Variants in BOD1L1 observed in about 807,000 individuals in gnomAD.
BOD1L1 encodes biorientation of chromosomes in cell division protein 1-like 1.
Under a neutral mutation model 240.7 loss-of-function variants are expected in BOD1L1, and 86 were observed. The observed-to-expected ratio is 0.36, with a 90% CI of 0.30 to 0.43. The LOEUF (loss-of-function observed/expected upper bound fraction) is 0.43. BOD1L1 is among the 20% of genes least tolerant of loss of function. The probability of loss-of-function intolerance (pLI) is 1.00; values close to 1 mark genes in which losing one functional copy is unlikely to be tolerated. For synonymous variants in BOD1L1, 1,268 were observed against 1,272.3 expected (o/e 1.00, Z 0.07); for missense variants, 3,554 against 3,643.5 (o/e 0.98, Z 0.63).
intron 7 of BOD1L1, 70 bp from the exon 8 acceptor site, chr4:13,608,738 T>A: frequency 2.3e-6 from 3 of 1,282,038 alleles, no homozygotes; most frequent in Non-Finnish European, 3.0e-6. Flanking sequence ...TAATTTTTCA[T>A]TAAGATTTTT....
intron 6 of BOD1L1, among the ~76,000 whole-genome samples, 188 bp from the exon 7 acceptor site, chr4:13,609,594 G>T (rs1446629888): frequency 6.6e-6 from 1 of 152,010 alleles, no homozygotes; most frequent in Non-Finnish European, 1.5e-5. Context: ...ATATGTATGT[G>T]TATGTTTCAA....
chr4:13,620,211 C>T (rs901914908), intron 1 of BOD1L1, 144 bp from the exon 2 acceptor site: 1 of 813,338 alleles, frequency 1.2e-6, no homozygotes, highest in African/African-American at 1.7e-5. Flanking sequence ...CATTCAAATA[C>T]TACTTATTTT....
chr4:13,602,888 G>T lies in BOD1L1; in HGVS notation c.4012C>A (p.Leu1338Ile), dbSNP rs762468790. ...CCTTCTTTGCTGTCACTTGTCTTAA[G>T]GACTTCTGATTCCCTAACAGTCAGA... ...QSLTVRESEV[L>I]KTSDSKEGGE... Residue 1338 changes from leucine (L) to isoleucine (I), a missense_variant, in exon 10 of 26, where the codon CTT becomes ATT. Coordinates refer to ENST00000040738, the MANE Select transcript of BOD1L1 (RefSeq NM_148894.3). The T allele has an allele frequency of 6.2e-7, 1 of 1,613,952 alleles. No individual in the cohort carries two copies. Among genetic ancestry groups the T allele is most frequent in the Non-Finnish European group, 8.5e-7 (1 of 1,179,886 alleles).
chr4:13,611,116 TAGAA>T lies in BOD1L1; in HGVS notation c.1325-20_1325-17del, dbSNP rs768025012. On this transcript the variant is annotated splice_polypyrimidine_tract_variant and intron_variant, in intron 5 of 25. Transcript: ENST00000040738. ...TTCTCTTCATCTGTAAGAAAGTTAA[TAGAA>T]AGAGGAGTATGTCTGTGAATTAGCA... 13 of 1,559,470 alleles carry T rather than the reference TAGAA, an allele frequency of 8.3e-6. No homozygotes were observed. Among genetic ancestry groups the T allele is most frequent in the South Asian group, 1.1e-5 (1 of 87,478 alleles).
intron 17 of BOD1L1, among the ~76,000 whole-genome samples, chr4:13,585,497 A>C (rs1284703977): frequency 6.6e-6 from 1 of 152,118 alleles, no homozygotes; most frequent in East Asian, 1.9e-4. Context: ...GGAATGAAAA[A>C]ATCTGGGCCT....
At chr4:13,605,797 C>A (rs914870914) in intron 9 of BOD1L1, among the ~76,000 whole-genome samples, 1 of 152,104 alleles carries the variant, frequency 6.6e-6, no homozygotes, top group East Asian at 1.9e-4. Context: ...ATATTCTACA[C>A]ATGAAGCTTC....
At position 13,576,871 on chromosome 4, in the gene BOD1L1, G is replaced by C. The variant is rs375866429; in HGVS notation, c.9005C>G (p.Thr3002Ser). 8 of 1,613,924 alleles carry C rather than the reference G, an allele frequency of 5.0e-6. No individual in the cohort carries two copies. In the South Asian group the frequency reaches 5.5e-5, roughly 11 times the overall value. The change falls in exon 25 of 26, where the codon ACC (threonine) becomes AGC (serine). Residue 3002 changes from threonine to serine, a missense_variant. By Grantham distance (58) the Thr-to-Ser change is moderately conservative. Coordinates refer to ENST00000040738, the MANE Select transcript of BOD1L1 (RefSeq NM_148894.3). Reference protein sequence around the residue: ...EEEEDEPSGATTRSTTRSEAQ... With the variant: ...EEEEDEPSGASTRSTTRSEAQ... Reference sequence around the variant, plus strand: ...CTCTGATCTGGTGGTGGATCTTGTGGTGGCTCCTGAAGGCTCGTCCTCTTC... The same window carrying C: ...CTCTGATCTGGTGGTGGATCTTGTGCTGGCTCCTGAAGGCTCGTCCTCTTC...
At chr4:13,586,352 C>A in intron 17 of BOD1L1, 44 bp downstream of exon 17, 1 of 1,331,422 alleles carries the variant, frequency 7.5e-7, no homozygotes, top group South Asian at 1.2e-5. Context: ...ATTAGGCCTC[C>A]CTACCCCCAC....
chr4:13,626,490 T>C (rs1017895752), intron 1 of BOD1L1, among the ~76,000 whole-genome samples: 3 of 152,206 alleles, frequency 2.0e-5, no homozygotes, highest in African/African-American at 7.2e-5. Flanking sequence ...TCCATCCATC[T>C]CACTGACTGC....
In BOD1L1 at chr4:13,604,847, T is replaced by A; in HGVS notation, c.2053A>T (p.Ile685Phe). 1 of 1,611,932 alleles carries A rather than the reference T, an allele frequency of 6.2e-7. No homozygotes were observed. The highest frequency in any genetic ancestry group is 8.5e-7 in the Non-Finnish European group (1 of 1,179,466). Reference sequence around the variant, plus strand: ...TGTTTCTGGGGCTCTTCGGTGCAAATTTCTGAGCGTTCTACTTGCCTTTTT... The same window carrying A: ...TGTTTCTGGGGCTCTTCGGTGCAAAATTCTGAGCGTTCTACTTGCCTTTTT... ...DVKRQVERSE[I>F]CTEEPQKQKS... The change falls in exon 10 of 26, where the codon ATT becomes TTT. Residue 685 changes from isoleucine (I) to phenylalanine (F), a missense_variant. Around this residue, in one of 2 missense-constraint regions of BOD1L1, gnomAD observed 3,393 missense variants for 3,427.1 expected, o/e 0.99. Transcript: ENST00000040738.
rs1715452249 is a variant in BOD1L1 at position 13,603,982 on chromosome 4, A to G, written c.2918T>C (p.Val973Ala). 6.2e-7 allele frequency: 1 copy of G among 1,613,746 alleles called. No individual in the cohort carries two copies. Among genetic ancestry groups the G allele is most frequent in the Non-Finnish European group, 8.5e-7 (1 of 1,179,866 alleles). The change falls in exon 10 of 26, where the codon GTA becomes GCA. Residue 973 changes from valine to alanine, a missense_variant. Val to Ala is a moderately conservative substitution (Grantham distance 64). Transcript: ENST00000040738. ...TGCTGAAGAAGAAGCAGTCTCTAAT[A>G]CAGGTTCAACACCAGTTTCTTCAAA... The part of the protein sequence containing the change: ...KPFEETGVEP[V>A]LETASSSAHS...
intron 17 of BOD1L1, among the ~76,000 whole-genome samples, chr4:13,583,966 A>G (rs1488226014): frequency 1.3e-5 from 2 of 152,190 alleles, no homozygotes; most frequent in African/African-American, 4.8e-5. Context: ...GCTACCCTTA[A>G]GGTACTTTGA....
Position 13,618,608 on chromosome 4 carries a change from C to T in BOD1L1, c.368+1335G>A, listed in dbSNP as rs77765052. Among the ~76,000 whole-genome samples the T allele has an allele frequency of 3.1e-3, 469 of 152,298 alleles. 2 individuals carry two copies. Among genetic ancestry groups the T allele is most frequent in the Non-Finnish European group, 5.2e-3 (357 of 68,028 alleles). On this transcript the variant is annotated intron_variant, in intron 2 of 25. Coordinates refer to ENST00000040738, the MANE Select transcript of BOD1L1 (RefSeq NM_148894.3). ...ACTCTTTTACAGGTTCCTCAGACAT[C>T]CTTTAAAATGTAGACAACAAAGCTA...
At chr4:13,584,391 GGA>G (rs1165397393) in intron 17 of BOD1L1, among the ~76,000 whole-genome samples, 4 of 149,398 alleles carry the variant, frequency 2.7e-5, no homozygotes, top group Non-Finnish European at 5.9e-5. Context: ...TGTGTGAGAT[GGA>G]GAGAGTCAGC....
At chr4:13,607,003 G>T (rs369464562) in intron 9 of BOD1L1, 114 bp downstream of exon 9, 6 of 667,444 alleles carry the variant, frequency 9.0e-6, no homozygotes, top group Non-Finnish European at 9.3e-6. Flanking sequence ...AATGTAAGTT[G>T]ACTTTTTATT....
intron 12 of BOD1L1, chr4:13,593,547 T>C (rs993869564): frequency 1.3e-5 from 2 of 152,156 alleles, no homozygotes; most frequent in African/African-American, 4.8e-5. Flanking sequence ...TATTTTACTT[T>C]CTATAATTAA....
In BOD1L1 at chr4:13,591,969, G is replaced by A; in HGVS notation, c.8105-3C>T. On this transcript the variant is annotated splice_polypyrimidine_tract_variant and splice_region_variant and intron_variant, in intron 12 of 25. Coordinates refer to ENST00000040738, the MANE Select transcript of BOD1L1 (RefSeq NM_148894.3). ...CAAAGGCTCCCTCTGGAGTTCAGCT[G>A]TTCAAAAATAAAAATGAGATGTAAA... 3.2e-6 allele frequency: 5 copies of A among 1,546,526 alleles called. No individual in the cohort carries two copies. The highest frequency in any genetic ancestry group is 2.4e-5 in the East Asian group (1 of 42,284).
rs1254941574 is a variant in BOD1L1, at chr4:13,602,233, C to T, written c.4667G>A (p.Ser1556Asn). Residue 1556 changes from serine (S) to asparagine (N), a missense_variant, in exon 10 of 26, where the codon AGC (serine) becomes AAC (asparagine). Physicochemically the swap from Ser to Asn is conservative, Grantham distance 46. Around this residue, in one of 2 missense-constraint regions of BOD1L1, gnomAD observed 3,393 missense variants for 3,427.1 expected, o/e 0.99. Coordinates refer to ENST00000040738, the MANE Select transcript of BOD1L1 (RefSeq NM_148894.3). The part of the protein sequence containing the change: ...RQSEVALPCT[S>N]IEADEGLIIG... The stretch of plus-strand genomic sequence containing the variant: ...TATGAGGCCTTCATCTGCCTCAATG[C>T]TGGTGCAAGGCAAAGCCACCTCACT... 2 of 1,613,810 alleles carry T rather than the reference C, an allele frequency of 1.2e-6. No individual in the cohort carries two copies. The highest frequency in any genetic ancestry group is 2.2e-5 in the East Asian group (1 of 44,874).
At chr4:13,626,996 G>A (rs538517049) in intron 1 of BOD1L1, among the ~76,000 whole-genome samples, 2 of 152,190 alleles carry the variant, frequency 1.3e-5, no homozygotes, top group African/African-American at 2.4e-5. Context: ...CTTCAAGAAA[G>A]AAGGCAAACA....
Sources: allele counts gnomAD v4.1 joint callset (sites outside exome capture counted in the v4.1 genomes callset), GRCh38; gene constraint gnomAD v4.1.1; regional missense constraint gnomAD v4.1.1; transcripts MANE v1.5; gene names NCBI Gene and HGNC (gene_info 2026-07-23, HGNC 2026-07-21).